The following CHMP3 variants were observed in gnomAD, a reference collection of about 807,000 sequenced individuals.
CHMP3 encodes 25.1 protein.
A neutral mutation model predicts 27.4 loss-of-function variants in CHMP3; 8 were observed. The observed-to-expected ratio is 0.29, with a 90% CI of 0.17 to 0.53. The LOEUF (loss-of-function observed/expected upper bound fraction) is 0.53. Ranked by LOEUF, CHMP3 falls within the 20% of genes least tolerant of loss-of-function variation. The pLI is 0.96. For missense variants in CHMP3, 208 were observed against 271.5 expected (o/e 0.77, Z 1.64); for synonymous variants, 86 against 85.5 (o/e 1.01, Z -0.03).
chr2:86,540,595 A>G (rs369872100), intron 2 of CHMP3: 19 of 152,076 alleles, frequency 1.2e-4, no homozygotes, highest in African/African-American at 4.3e-4. Flanking sequence ...TGGATTTTGT[A>G]TATCTTCAAT....
intron 2 of CHMP3, among the ~76,000 whole-genome samples, chr2:86,535,875 A>G (rs973726565): frequency 6.6e-6 from 1 of 152,194 alleles, no homozygotes; most frequent in Non-Finnish European, 1.5e-5. Context: ...ACCCCAGTTC[A>G]GTTACTGATG....
At chr2:86,525,338 C>G (rs1675659735) in intron 3 of CHMP3, among the ~76,000 whole-genome samples, 1 of 152,112 alleles carries the variant, frequency 6.6e-6, no homozygotes, top group Admixed American at 6.6e-5. Context: ...TGATACTTTG[C>G]TGAACTAAAA....
chr2:86,514,143 T>C (rs759821268), intron 3 of CHMP3, among the ~76,000 whole-genome samples: 3 of 152,224 alleles, frequency 2.0e-5, no homozygotes, highest in Non-Finnish European at 4.4e-5. Flanking sequence ...GGTCAGCTCC[T>C]GACTCTGAGA....
chr2:86,540,941 T>C (rs1676336264), intron 2 of CHMP3: 1 of 152,038 alleles, frequency 6.6e-6, no homozygotes, highest in South Asian at 2.1e-4. Context: ...TATTGGATGC[T>C]GGCCACTGTA....
chr2:86,546,365 A>C (rs1243558589), intron 1 of CHMP3, among the ~76,000 whole-genome samples: 1 of 2,272 alleles, frequency 4.4e-4, no homozygotes, highest in Non-Finnish European at 8.6e-4. Context: ...ACCCGAAGGG[A>C]GGGGAAGGGG....
At chr2:86,511,098 T>A (rs1394331230) in intron 3 of CHMP3, 1 of 152,272 alleles carries the variant, frequency 6.6e-6, no homozygotes, top group Non-Finnish European at 1.5e-5. Context: ...CCACCCTCAA[T>A]GTCTTTAACA....
intron 1 of CHMP3, among the ~76,000 whole-genome samples, chr2:86,551,304 GTC>G (rs1475712975): frequency 6.8e-6 from 1 of 147,964 alleles, no homozygotes; most frequent in East Asian, 2.0e-4. Context: ...TTGAGATGGA[GTC>G]TCTCTCTGTC....
chr2:86,555,609 C>A (rs1311898828), intron 1 of CHMP3, among the ~76,000 whole-genome samples: 1 of 152,204 alleles, frequency 6.6e-6, no homozygotes, highest in Non-Finnish European at 1.5e-5. Flanking sequence ...GCCATGCTTC[C>A]TCCAGTGGAT....
At chr2:86,546,335 A>C (rs1676599793) in intron 1 of CHMP3, among the ~76,000 whole-genome samples, 2 of 118,112 alleles carry the variant, frequency 1.7e-5, no homozygotes, top group South Asian at 3.0e-4. Flanking sequence ...AGTACAGTCC[A>C]GCCTCGGCAA....
At chr2:86,540,140 G>T (rs1177116644) in intron 2 of CHMP3, among the ~76,000 whole-genome samples, 1 of 151,858 alleles carries the variant, frequency 6.6e-6, no homozygotes, top group Admixed American at 6.6e-5. Context: ...TAATCTTTTT[G>T]GTTTTCAGTA....
At chr2:86,560,261 CA>C (rs569981527) in intron 1 of CHMP3, among the ~76,000 whole-genome samples, 1,999 of 142,408 alleles carry the variant, frequency 0.014, 38 homozygotes, top group African/African-American at 0.047. Flanking sequence ...GACTCCATCT[CA>C]AAAAAAAAAA....
intron 1 of CHMP3, among the ~76,000 whole-genome samples, chr2:86,554,421 C>T (rs1677032641): frequency 6.6e-6 from 1 of 152,016 alleles, no homozygotes; most frequent in African/African-American, 2.4e-5. Flanking sequence ...ATAATATACA[C>T]AATAATGAAA....
chr2:86,539,976 C>T (rs1676298450), intron 2 of CHMP3, among the ~76,000 whole-genome samples: 1 of 151,922 alleles, frequency 6.6e-6, no homozygotes, highest in African/African-American at 2.4e-5. Context: ...GGACTTAAGT[C>T]TAGGATAACA....
At chr2:86,540,639 G>T (rs1487753666) in intron 2 of CHMP3, 1 of 151,938 alleles carries the variant, frequency 6.6e-6, no homozygotes, top group African/African-American at 2.4e-5. Context: ...TGTCTAATTT[G>T]CTGTTAAACC....
intron 3 of CHMP3, among the ~76,000 whole-genome samples, chr2:86,523,320 T>C (rs1308965458): frequency 6.6e-6 from 1 of 152,260 alleles, no homozygotes; most frequent in Admixed American, 6.5e-5. Context: ...CATCAGTGCC[T>C]GAAAGGAGCC....
chr2:86,523,783 A>G (rs1675605039), intron 3 of CHMP3, among the ~76,000 whole-genome samples: 1 of 152,342 alleles, frequency 6.6e-6, no homozygotes, highest in Admixed American at 6.5e-5. Flanking sequence ...GAAACAATAC[A>G]CAGAATGTAA....
At chr2:86,549,563 T>C (rs1676788691) in intron 1 of CHMP3, among the ~76,000 whole-genome samples, 1 of 107,984 alleles carries the variant, frequency 9.3e-6, no homozygotes, top group Non-Finnish European at 1.8e-5. Flanking sequence ...CCAGATGGGG[T>C]TGCAGTCAGG....
chr2:86,561,651 A>G (rs1294642454), intron 1 of CHMP3: 1 of 152,226 alleles, frequency 6.6e-6, no homozygotes, highest in Non-Finnish European at 1.5e-5. Context: ...GGCTCTGGCA[A>G]GCATAGTTTT....
intron 3 of CHMP3, among the ~76,000 whole-genome samples, chr2:86,522,366 T>A (rs1675550941): frequency 6.6e-6 from 1 of 152,186 alleles, no homozygotes; most frequent in South Asian, 2.1e-4. Flanking sequence ...TCTATCCTCG[T>A]ACCTACTCTG....
Sources: allele counts gnomAD v4.1 joint callset (sites outside exome capture counted in the v4.1 genomes callset), GRCh38; gene constraint gnomAD v4.1.1; transcripts MANE v1.5; gene names NCBI Gene and HGNC (gene_info 2026-07-23, HGNC 2026-07-21).